The following ZMYM2 variants were observed in gnomAD, a reference collection of about 807,000 sequenced individuals.
ZMYM2 encodes zinc finger MYM-type protein 2.
Under a neutral mutation model 162.8 loss-of-function variants are expected in ZMYM2, and 56 were observed. That is an observed-to-expected ratio of 0.34 (90% CI 0.28 to 0.43). The LOEUF is 0.43. ZMYM2 is among the 20% of genes least tolerant of loss of function. The probability of loss-of-function intolerance (pLI) is 1.00; values close to 1 mark genes in which losing one functional copy is unlikely to be tolerated. For synonymous variants in ZMYM2, 510 were observed against 541.6 expected, an observed-to-expected ratio of 0.94 and a Z score of 0.81; for missense variants, 1,275 against 1,621.8, an observed-to-expected ratio of 0.79 and a Z score of 3.67.
In ZMYM2 at chr13:19,993,080, C is replaced by G; in HGVS notation, c.8C>G (p.Thr3Arg). The G allele has an allele frequency of 6.3e-7, 1 of 1,598,182 alleles. No individual in the cohort carries two copies. Residue 3 changes from threonine (T) to arginine (R), a missense_variant, in exon 3 of 25, where the codon ACA becomes AGA. By Grantham distance (71) the Thr-to-Arg change is moderately conservative. This residue lies in a region of ZMYM2 where 295 missense variants were observed against 286.7 expected (regional missense o/e 1.03). Transcript: ENST00000610343. MDTSSVGGLELTD... is the reference protein window; with the variant it reads MDRSSVGGLELTD... ...CCTAACAGGTTCTTTGGCATGGACACAAGTTCAGTGGGAGGATTAGAATTG... is the reference window on the plus strand; with the variant it reads ...CCTAACAGGTTCTTTGGCATGGACAGAAGTTCAGTGGGAGGATTAGAATTG...
upstream of ZMYM2, among the ~76,000 whole-genome samples, chr13:19,954,056 A>G (rs1160841370): frequency 6.6e-6 from 1 of 151,188 alleles, no homozygotes; most frequent in East Asian, 1.9e-4. Flanking sequence ...TGCATATCCC[A>G]GTGGTTGTCA....
intron 19 of ZMYM2, among the ~76,000 whole-genome samples, chr13:20,065,549 C>T (rs1016340781): frequency 1.3e-5 from 2 of 152,168 alleles, no homozygotes; most frequent in African/African-American, 2.4e-5. Flanking sequence ...AATCCCAGCA[C>T]TTACAGCACT....
At chr13:20,033,371 G>A (rs1299079062) in intron 10 of ZMYM2, among the ~76,000 whole-genome samples, 1 of 152,118 alleles carries the variant, frequency 6.6e-6, no homozygotes, top group African/African-American at 2.4e-5. Flanking sequence ...TGAGAGTTGA[G>A]CGTGTCCCCC....
intron 17 of ZMYM2, 145 bp downstream of exon 17, chr13:20,061,369 T>TCGTC: frequency 1.4e-6 from 1 of 692,182 alleles, no homozygotes; most frequent in South Asian, 3.0e-5. Flanking sequence ...TTTTTTATAT[T>TCGTC]AAGAGATCTA....
chr13:20,028,923 G>C (rs1361442025), intron 9 of ZMYM2, among the ~76,000 whole-genome samples: 4 of 151,940 alleles, frequency 2.6e-5, no homozygotes, highest in South Asian at 4.2e-4. Flanking sequence ...AGGCCTACAG[G>C]CAGCTTCATC....
chr13:20,006,626 T>C, intron 6 of ZMYM2, 40 bp downstream of exon 6: 1 of 1,589,894 alleles, frequency 6.3e-7, no homozygotes, highest in Non-Finnish European at 8.6e-7. Flanking sequence ...TTCTTTAGAA[T>C]GTTCTTGAAA....
the ZMYM2 span, among the ~76,000 whole-genome samples, chr13:19,926,531 T>G: frequency 6.6e-6 from 1 of 151,708 alleles, no homozygotes; most frequent in East Asian, 2.0e-4. Flanking sequence ...GCCCAACTAA[T>G]TTTTGCATTT....
the ZMYM2 span, among the ~76,000 whole-genome samples, chr13:19,865,683 C>T: frequency 6.6e-6 from 1 of 152,154 alleles, no homozygotes; most frequent in South Asian, 2.1e-4. Flanking sequence ...GGCATTGATA[C>T]TGTTCAAAGA....
intron 2 of ZMYM2, among the ~76,000 whole-genome samples, chr13:19,988,627 C>G (rs1949366838): frequency 6.6e-6 from 1 of 152,024 alleles, no homozygotes; most frequent in Non-Finnish European, 1.5e-5. Flanking sequence ...ACTGAAAACA[C>G]AAAAAATTAG....
At chr13:19,986,700 C>A (rs1299639671) in intron 2 of ZMYM2, among the ~76,000 whole-genome samples, 2 of 152,050 alleles carry the variant, frequency 1.3e-5, no homozygotes, top group Non-Finnish European at 2.9e-5. Flanking sequence ...GTACTGTCAT[C>A]AGTAATAACT....
At chr13:19,980,085 AATTT>A (rs2139463864) in intron 2 of ZMYM2, among the ~76,000 whole-genome samples, 1 of 151,886 alleles carries the variant, frequency 6.6e-6, no homozygotes, top group African/African-American at 2.4e-5. Flanking sequence ...GTATTCTTGT[AATTT>A]ATTTTTACAT....
chr13:20,037,002 A>G, intron 12 of ZMYM2, 93 bp downstream of exon 12: 3 of 1,230,688 alleles, frequency 2.4e-6, no homozygotes, highest in South Asian at 3.7e-5. Flanking sequence ...CATTTATTTT[A>G]AAAATGTACA....
intron 21 of ZMYM2, among the ~76,000 whole-genome samples, chr13:20,074,103 G>A (rs956948271): frequency 3.3e-5 from 5 of 151,828 alleles, no homozygotes; most frequent in Admixed American, 6.6e-5. Flanking sequence ...CATATAAGTG[G>A]AATCATGCAG....
chr13:20,013,212 A>T (rs1951342407), intron 6 of ZMYM2, among the ~76,000 whole-genome samples: 1 of 152,102 alleles, frequency 6.6e-6, no homozygotes, highest in South Asian at 2.1e-4. Flanking sequence ...TTATTCTTTT[A>T]ATGCTATTTC....
intron 21 of ZMYM2, among the ~76,000 whole-genome samples, chr13:20,067,650 G>GA (rs1334001363): frequency 3.3e-5 from 5 of 152,168 alleles, no homozygotes; most frequent in Non-Finnish European, 7.4e-5. Context: ...CATGTAAACA[G>GA]AAAAATGTCA....
chr13:19,869,237 T>C, the ZMYM2 span, among the ~76,000 whole-genome samples: 1 of 152,256 alleles, frequency 6.6e-6, no homozygotes, highest in Non-Finnish European at 1.5e-5. Context: ...TGGTGTTTCT[T>C]GCTAGATGGT....
At chr13:20,019,697 A>T (rs1356425305) in intron 7 of ZMYM2, 79 bp downstream of exon 7, 1 of 1,301,050 alleles carries the variant, frequency 7.7e-7, no homozygotes, top group Admixed American at 2.2e-5. Flanking sequence ...TGTATCTGAA[A>T]AATCTTGTCC....
chr13:19,973,648 G>A (rs1422578876), intron 2 of ZMYM2, among the ~76,000 whole-genome samples: 2 of 144,468 alleles, frequency 1.4e-5, no homozygotes, highest in Non-Finnish European at 3.0e-5. Context: ...TCCAGGCTGG[G>A]TGACAGAGCG....
upstream of ZMYM2, among the ~76,000 whole-genome samples, chr13:19,955,842 G>T (rs546125129): frequency 1.7e-3 from 256 of 152,292 alleles, no homozygotes; most frequent in Middle Eastern, 3.4e-3. Flanking sequence ...CAGAGAGAAG[G>T]TAAGTTTCTG....
Sources: gnomAD v4.1 joint callset for allele counts (sites outside exome capture counted in the v4.1 genomes callset) on GRCh38, gnomAD v4.1.1 for gene constraint, gnomAD v4.1.1 regional missense constraint, MANE v1.5 for transcripts, NCBI Gene and HGNC (gene_info 2026-07-23, HGNC 2026-07-21) for gene names.